The following TENM2 variants were observed in gnomAD, a reference collection of about 807,000 sequenced individuals.
TENM2 encodes the protein teneurin-2.
A neutral mutation model predicts 245.2 loss-of-function variants in TENM2; 52 were observed. That is an observed-to-expected ratio of 0.21 (90% confidence interval 0.17 to 0.27). The LOEUF (loss-of-function observed/expected upper bound fraction) is 0.27, where lower values mean the gene tolerates loss of function less well. TENM2 is among the 10% of genes least tolerant of loss of function. The probability of loss-of-function intolerance (pLI) is 1.00; values close to 1 mark genes in which losing one functional copy is unlikely to be tolerated. For synonymous variants in TENM2, 1,363 were observed against 1,438.9 expected, an observed-to-expected ratio of 0.95 and a Z score of 1.19; for missense variants, 3,046 against 3,666.8, an observed-to-expected ratio of 0.83 and a Z score of 4.37.
the TENM2 span, among the ~76,000 whole-genome samples, chr5:167,015,747 A>G: frequency 6.6e-6 from 1 of 152,182 alleles, no homozygotes; most frequent in African/African-American, 2.4e-5. Flanking sequence ...AAATCAAGTT[A>G]TGTTCTACAA....
At chr5:167,973,276 CTT>C (rs1350809223) in intron 4 of TENM2, among the ~76,000 whole-genome samples, 11 of 152,138 alleles carry the variant, frequency 7.2e-5, no homozygotes, top group Non-Finnish European at 1.6e-4. Context: ...TCAGGCCAAA[CTT>C]ATATAGTTAC....
intron 1 of TENM2, among the ~76,000 whole-genome samples, chr5:167,352,933 A>G (rs915645417): frequency 1.3e-5 from 2 of 152,146 alleles, no homozygotes; most frequent in Non-Finnish European, 2.9e-5. Flanking sequence ...GGAAAAGGCA[A>G]TGTGTCCCTG....
intron 2 of TENM2, among the ~76,000 whole-genome samples, chr5:167,532,826 GTA>G (rs148505748): frequency 5.5e-4 from 79 of 144,466 alleles, no homozygotes; most frequent in Non-Finnish European, 5.4e-4. Context: ...GTGTGTGTGT[GTA>G]TATATATATA....
intron 2 of TENM2, among the ~76,000 whole-genome samples, chr5:167,555,514 G>C (rs925619954): frequency 1.3e-5 from 2 of 152,060 alleles, no homozygotes; most frequent in Non-Finnish European, 2.9e-5. Context: ...ACGGCTTTTT[G>C]TACAACATAA....
chr5:168,113,970 G>A (rs1794874539), intron 9 of TENM2, among the ~76,000 whole-genome samples: 1 of 152,134 alleles, frequency 6.6e-6, no homozygotes, highest in Non-Finnish European at 1.5e-5. Context: ...AGAAAAGACT[G>A]GAAGAAGAAA....
intron 1 of TENM2, among the ~76,000 whole-genome samples, chr5:167,304,158 G>A (rs1755524955): frequency 6.6e-6 from 1 of 152,132 alleles, no homozygotes; most frequent in African/African-American, 2.4e-5. Flanking sequence ...TTGAATGATG[G>A]GTTCAGAAGC....
At chr5:167,081,226 A>T in the TENM2 span, among the ~76,000 whole-genome samples, 1 of 151,886 alleles carries the variant, frequency 6.6e-6, no homozygotes, top group Non-Finnish European at 1.5e-5. Flanking sequence ...AAGACATGAT[A>T]TTTTTTCACT....
the TENM2 span, among the ~76,000 whole-genome samples, chr5:167,157,456 A>G: frequency 6.6e-6 from 1 of 152,346 alleles, no homozygotes; most frequent in South Asian, 2.1e-4. Flanking sequence ...AGGGGTATGG[A>G]AAGAATTTGT....
At chr5:167,496,598 C>T (rs1313322566) in intron 2 of TENM2, among the ~76,000 whole-genome samples, 1 of 152,078 alleles carries the variant, frequency 6.6e-6, no homozygotes, top group Non-Finnish European at 1.5e-5. Context: ...GAAAAGTATA[C>T]TGCAGAAACC....
chr5:167,966,513 T>C (rs1238740798), intron 4 of TENM2, among the ~76,000 whole-genome samples: 1 of 152,212 alleles, frequency 6.6e-6, no homozygotes, highest in Non-Finnish European at 1.5e-5. Context: ...AACACACTTT[T>C]TGTCTTCAAG....
At chr5:167,192,845 A>G in the TENM2 span, among the ~76,000 whole-genome samples, 1 of 152,074 alleles carries the variant, frequency 6.6e-6, no homozygotes, top group Non-Finnish European at 1.5e-5. Context: ...CTGGTAGATG[A>G]TGATGCTTTT....
At chr5:167,791,548 T>G (rs1434298698) in intron 2 of TENM2, among the ~76,000 whole-genome samples, 1 of 89,770 alleles carries the variant, frequency 1.1e-5, no homozygotes, top group Non-Finnish European at 2.0e-5. Flanking sequence ...TTATATATTA[T>G]AATATATAAA....
the TENM2 span, among the ~76,000 whole-genome samples, chr5:167,205,201 C>G: frequency 5.9e-5 from 9 of 152,116 alleles, no homozygotes; most frequent in African/African-American, 2.2e-4. Context: ...GTCAACATGG[C>G]AAAACTCCAT....
At chr5:167,300,167 G>A (rs1755222871) in intron 1 of TENM2, among the ~76,000 whole-genome samples, 1 of 152,140 alleles carries the variant, frequency 6.6e-6, no homozygotes, top group Admixed American at 6.5e-5. Flanking sequence ...TTGAGGTTTG[G>A]GAGATTAGTC....
intron 3 of TENM2, among the ~76,000 whole-genome samples, chr5:167,913,905 G>A (rs1235351998): frequency 1.3e-5 from 2 of 152,196 alleles, no homozygotes; most frequent in Admixed American, 6.5e-5. Flanking sequence ...AGTACTTAAG[G>A]TTGTTGCGAG....
At chr5:167,900,147 T>TG (rs1561912617) in intron 3 of TENM2, among the ~76,000 whole-genome samples, 29 of 129,784 alleles carry the variant, frequency 2.2e-4, no homozygotes, top group African/African-American at 8.2e-4. Flanking sequence ...GGGGGGGGTT[T>TG]TGGAAAGGAA....
intron 7 of TENM2, among the ~76,000 whole-genome samples, chr5:168,075,761 G>T (rs192322237): frequency 2.0e-5 from 3 of 152,312 alleles, no homozygotes; most frequent in South Asian, 2.1e-4. Context: ...AGGAAAGGAG[G>T]TTTAATGGAC....
intron 4 of TENM2, among the ~76,000 whole-genome samples, chr5:167,981,879 C>A (rs1782861466): frequency 6.6e-6 from 1 of 150,682 alleles, no homozygotes; most frequent in African/African-American, 2.4e-5. Context: ...GAGGCTGAGG[C>A]AGGAGAATTG....
the TENM2 span, among the ~76,000 whole-genome samples, chr5:167,013,600 G>A: frequency 6.6e-6 from 1 of 152,046 alleles, no homozygotes; most frequent in Admixed American, 6.6e-5. Flanking sequence ...CCAGCTACTT[G>A]GGAGGCTGAG....
Sources: allele counts gnomAD v4.1 joint callset (sites outside exome capture counted in the v4.1 genomes callset), GRCh38; gene constraint gnomAD v4.1.1; transcripts MANE v1.5; gene names NCBI Gene and HGNC (gene_info 2026-07-23, HGNC 2026-07-21).